The following MERTK variants were observed in gnomAD, a reference collection of about 807,000 sequenced individuals.
The protein encoded by MERTK is MER proto-oncogene, tyrosine kinase, also known as tyrosine-protein kinase Mer.
Under a neutral mutation model 99.3 loss-of-function variants are expected in MERTK, and 69 were observed. The ratio of observed to expected loss-of-function variants is 0.70; its 90% CI spans 0.57 to 0.85. The LOEUF (loss-of-function observed/expected upper bound fraction) is 0.85. Among genes scored for constraint, MERTK ranks in the 40% least tolerant of loss-of-function variants. The pLI is 0.00. For synonymous variants in MERTK, 426 were observed against 467.6 expected (o/e 0.91, Z 1.15); for missense variants, 1,125 against 1,249.4 (o/e 0.90, Z 1.50).
At chr2:112,022,172 T>G in intron 17 of MERTK, 86 bp from the exon 18 acceptor site, 1 of 1,579,362 alleles carries the variant, frequency 6.3e-7, no homozygotes, top group Non-Finnish European at 8.7e-7. Context: ...CATCAGTGTT[T>G]AAGGAAATGA....
In MERTK at chr2:111,929,279, A is replaced by G. The variant is rs1558775308; in HGVS notation, c.221A>G (p.His74Arg). Residue 74 changes from histidine to arginine, a missense_variant, in exon 2 of 19, where the codon CAT (histidine) becomes CGT (arginine). Coordinates refer to ENST00000295408, the MANE Select transcript of MERTK (RefSeq NM_006343.3). Reference protein sequence around the residue: ...MFSPTQPGRPHTGNVAIPQVT... With the variant: ...MFSPTQPGRPRTGNVAIPQVT... ...TCACCAACCCAGCCTGGAAGACCAC[A>G]TACAGGAAACGTAGCCATTCCCCAG... The G allele has an allele frequency of 6.2e-7, 1 of 1,614,248 alleles. No individual in the cohort carries two copies. Among genetic ancestry groups the G allele is most frequent in the Non-Finnish European group, 8.5e-7 (1 of 1,180,056 alleles).
intron 7 of MERTK, among the ~76,000 whole-genome samples, chr2:111,979,936 C>A (rs1676334397): frequency 6.6e-6 from 1 of 152,136 alleles, no homozygotes; most frequent in East Asian, 1.9e-4. Context: ...CGCCAGACCT[C>A]TGCTAATTTC....
At chr2:111,993,424 T>C (rs1676671950) in intron 8 of MERTK, among the ~76,000 whole-genome samples, 1 of 152,154 alleles carries the variant, frequency 6.6e-6, no homozygotes, top group South Asian at 2.1e-4. Context: ...ACCTGTGACA[T>C]CTGTGACCTG....
intron 9 of MERTK, among the ~76,000 whole-genome samples, chr2:111,995,908 T>C (rs1676725921): frequency 6.6e-6 from 1 of 152,054 alleles, no homozygotes; most frequent in Admixed American, 6.6e-5. Flanking sequence ...GATCACACCA[T>C]TGTACTCCTG....
intron 1 of MERTK, among the ~76,000 whole-genome samples, chr2:111,920,105 C>CT (rs919868538): frequency 1.3e-5 from 2 of 152,170 alleles, no homozygotes; most frequent in Admixed American, 1.3e-4. Flanking sequence ...ATTTGTTCCT[C>CT]TAAGTAAATC....
chr2:111,969,882 G>A (rs577531349), intron 6 of MERTK, among the ~76,000 whole-genome samples: 46 of 151,928 alleles, frequency 3.0e-4, no homozygotes, highest in African/African-American at 1.0e-3. Flanking sequence ...TAGTAGAGAC[G>A]GGGTTTCACC....
At chr2:111,951,997 G>A (rs1327948352) in intron 4 of MERTK, 2 of 152,068 alleles carry the variant, frequency 1.3e-5, no homozygotes, top group Admixed American at 6.6e-5. Context: ...GTGTGTTTTT[G>A]TGACAAGATG....
At chr2:111,958,941 C>G (rs1329313465) in intron 4 of MERTK, among the ~76,000 whole-genome samples, 1 of 151,914 alleles carries the variant, frequency 6.6e-6, no homozygotes, top group Non-Finnish European at 1.5e-5. Flanking sequence ...CAAGGGTTTC[C>G]TAAGAGTTTT....
At chr2:111,951,161 A>G (rs1685047739) in intron 4 of MERTK, among the ~76,000 whole-genome samples, 1 of 151,572 alleles carries the variant, frequency 6.6e-6, no homozygotes, top group Non-Finnish European at 1.5e-5. Context: ...GGGAGGCGAC[A>G]GGGGAGGGCA....
intron 1 of MERTK, among the ~76,000 whole-genome samples, chr2:111,916,625 G>T (rs1215569512): frequency 6.6e-6 from 1 of 151,784 alleles, no homozygotes; most frequent in East Asian, 1.9e-4. Context: ...GTTTTTTCAT[G>T]TTTCAAGCAT....
In MERTK at chr2:112,004,896, C is replaced by T. The variant is rs1047929444; in HGVS notation, c.1867+912C>T. Among the ~76,000 whole-genome samples the T allele has an allele frequency of 3.3e-5, 5 of 150,794 alleles. 1 individual carries two copies. The highest frequency in any genetic ancestry group is 3.9e-4 in the East Asian group (2 of 5,134). Reference sequence around the variant, plus strand: ...CAGCCTGGGTGACAGAGTGAGACTCCGTCTCAAAAAAAAAAAGAGTCTTAG... The same window carrying T: ...CAGCCTGGGTGACAGAGTGAGACTCTGTCTCAAAAAAAAAAAGAGTCTTAG... On this transcript the variant is annotated intron_variant, in intron 13 of 18. Coordinates refer to ENST00000295408, the MANE Select transcript of MERTK (RefSeq NM_006343.3).
chr2:111,955,281 TGAAAA>T (rs1331529833), intron 4 of MERTK, among the ~76,000 whole-genome samples: 1 of 152,226 alleles, frequency 6.6e-6, no homozygotes. Flanking sequence ...TTAAGGGACA[TGAAAA>T]GAAGTACTTT....
At chr2:112,025,111 G>A (rs530230657) in intron 18 of MERTK, among the ~76,000 whole-genome samples, 12 of 152,288 alleles carry the variant, frequency 7.9e-5, no homozygotes, top group South Asian at 4.1e-4. Flanking sequence ...GACTGTTGGC[G>A]TGACTTCAGT....
chr2:111,969,546 A>G (rs1220869966), intron 6 of MERTK, among the ~76,000 whole-genome samples: 11 of 152,172 alleles, frequency 7.2e-5, no homozygotes, highest in Admixed American at 7.2e-4. Context: ...GTTGACAACT[A>G]GATGTTTTTA....
intron 7 of MERTK, among the ~76,000 whole-genome samples, chr2:111,980,390 A>G (rs541196983): frequency 1.3e-5 from 2 of 149,916 alleles, no homozygotes; most frequent in African/African-American, 4.9e-5. Context: ...TGGAGAAGAC[A>G]GACTTTGAGA....
intron 5 of MERTK, among the ~76,000 whole-genome samples, chr2:111,966,151 T>G (rs574231908): frequency 1.3e-5 from 2 of 152,314 alleles, no homozygotes; most frequent in African/African-American, 4.8e-5. Flanking sequence ...TGAGAAGTAA[T>G]TATTTGGCTC....
chr2:111,970,258 G>T (rs1481044741), intron 6 of MERTK, among the ~76,000 whole-genome samples: 2 of 151,854 alleles, frequency 1.3e-5, no homozygotes, highest in African/African-American at 4.8e-5. Flanking sequence ...CTGGGTGCAA[G>T]CAATTCTCCT....
intron 7 of MERTK, among the ~76,000 whole-genome samples, chr2:111,982,040 T>C (rs1676383502): frequency 6.6e-6 from 1 of 152,038 alleles, no homozygotes; most frequent in African/African-American, 2.4e-5. Context: ...TATTTTACTT[T>C]AGGTGCTCAT....
intron 7 of MERTK, among the ~76,000 whole-genome samples, chr2:111,981,848 A>C (rs1676379823): frequency 1.3e-5 from 2 of 152,122 alleles, no homozygotes; most frequent in African/African-American, 2.4e-5. Flanking sequence ...CTGCATTCTG[A>C]GCTCAGCAGT....
Sources: gnomAD v4.1 joint callset for allele counts (sites outside exome capture counted in the v4.1 genomes callset) on GRCh38, gnomAD v4.1.1 for gene constraint, MANE v1.5 for transcripts, NCBI Gene and HGNC (gene_info 2026-07-23, HGNC 2026-07-21) for gene names.